The following FAM120C variants were observed in gnomAD, a reference collection of about 807,000 sequenced individuals.
FAM120C encodes family with sequence similarity 120 member C.
In FAM120C, 14 loss-of-function variants were observed where a neutral mutation model predicts 71.2. The ratio of observed to expected loss-of-function variants is 0.20; its 90% CI spans 0.13 to 0.31. FAM120C has a LOEUF of 0.31. FAM120C is among the 10% of genes least tolerant of loss of function. FAM120C has a pLI of 1.00. For synonymous variants in FAM120C, 354 were observed against 353.2 expected, an observed-to-expected ratio of 1.00 and a Z score of -0.03; for missense variants, 500 against 879.0, an observed-to-expected ratio of 0.57 and a Z score of 5.45.
chrX:54,179,502 A>G (rs183168629), intron 1 of FAM120C, among the ~76,000 whole-genome samples: 2 of 112,123 alleles, frequency 1.8e-5, no homozygotes, highest in Admixed American at 1.9e-4. Flanking sequence ...AAGGGAAACC[A>G]CAATCGGTTA....
At position 54,134,018 on chromosome X, in the gene FAM120C, G is replaced by A; in HGVS notation, c.1645C>T (p.Pro549Ser). Residue 549 changes from proline to serine, a missense_variant, in exon 8 of 16, where the codon CCT (proline) becomes TCT (serine). Physicochemically the swap from Pro to Ser is moderately conservative, Grantham distance 74. Transcript: ENST00000375180. ...TCACGATTGGGATTTCCCCACTCAG[G>A]CTGGTGATGAAATGCTTCTGTGATA... The part of the protein sequence containing the change: ...DHITEAFHHQ[P>S]EWGNPNRDRG... The A allele has an allele frequency of 1.7e-6, 2 of 1,210,672 alleles. No homozygotes were observed. Among genetic ancestry groups the A allele is most frequent in the Non-Finnish European group, 2.2e-6 (2 of 895,100 alleles).
chrX:54,135,823 C>T (rs1316140974), intron 5 of FAM120C, among the ~76,000 whole-genome samples: 2 of 111,180 alleles, frequency 1.8e-5, no homozygotes, highest in Non-Finnish European at 3.8e-5. Flanking sequence ...ATAAATGTGA[C>T]TTGCCAAGGT....
At chrX:54,170,633 GAACCTATGAT>G (rs1435402542) in intron 1 of FAM120C, among the ~76,000 whole-genome samples, 1 of 112,128 alleles carries the variant, frequency 8.9e-6, no homozygotes, top group African/African-American at 3.2e-5. Context: ...GGCATCCAGT[GAACCTATGAT>G]CAAAGTTTGT....
intron 10 of FAM120C, among the ~76,000 whole-genome samples, chrX:54,092,574 CGAA>C (rs1275074887): frequency 5.5e-5 from 6 of 108,411 alleles, no homozygotes; most frequent in African/African-American, 1.7e-4. Context: ...GAGGAGACGA[CGAA>C]GAAGAAAGTG....
At chrX:54,112,840 CAAA>C (rs201361878) in intron 10 of FAM120C, among the ~76,000 whole-genome samples, 223 of 73,355 alleles carry the variant, frequency 3.0e-3, no homozygotes, top group African/African-American at 4.7e-3. Context: ...GACTCTGTCT[CAAA>C]AAAAAAAAAA....
intron 9 of FAM120C, among the ~76,000 whole-genome samples, chrX:54,118,158 G>A (rs968986464): frequency 9.2e-6 from 1 of 109,151 alleles, no homozygotes; most frequent in Non-Finnish European, 1.9e-5. Context: ...AGGAGGCAGA[G>A]GTTGCAATGA....
intron 12 of FAM120C, among the ~76,000 whole-genome samples, chrX:54,086,146 G>A (rs1268524899): frequency 1.8e-5 from 2 of 111,522 alleles, no homozygotes; most frequent in East Asian, 2.8e-4. Flanking sequence ...CTGACTCAGG[G>A]CTTGTGATGT....
intron 10 of FAM120C, among the ~76,000 whole-genome samples, chrX:54,099,598 G>A (rs1450534201): frequency 8.9e-6 from 1 of 111,839 alleles, no homozygotes; most frequent in Non-Finnish European, 1.9e-5. Flanking sequence ...TCTTCTAAGT[G>A]TTTTATAGTT....
intron 1 of FAM120C, chrX:54,173,814 G>A (rs45548334): frequency 1.9e-4 from 45 of 239,078 alleles, no homozygotes; most frequent in Non-Finnish European, 2.5e-4. Flanking sequence ...ATCTATTTCT[G>A]TGTAACAAAG....
chrX:54,135,154 A>C, intron 6 of FAM120C, 43 bp from the exon 7 acceptor site: 2 of 1,135,430 alleles, frequency 1.8e-6, no homozygotes, highest in Non-Finnish European at 2.3e-6. Flanking sequence ...ACATTTTATA[A>C]GGCTCCAAGG....
chrX:54,162,863 A>G (rs1557134588), intron 1 of FAM120C, among the ~76,000 whole-genome samples: 2 of 112,169 alleles, frequency 1.8e-5, no homozygotes, highest in African/African-American at 6.5e-5. Flanking sequence ...GAGGTTAGAG[A>G]ACTTGACCAA....
At chrX:54,118,858 TC>T (rs1168647124) in intron 9 of FAM120C, among the ~76,000 whole-genome samples, 1 of 40,915 alleles carries the variant, frequency 2.4e-5, no homozygotes, top group Non-Finnish European at 4.2e-5. Context: ...ATGCTATCCC[TC>T]CCCCCTCCCC....
intron 11 of FAM120C, among the ~76,000 whole-genome samples, chrX:54,090,044 A>C (rs2066816095): frequency 9.0e-6 from 1 of 110,579 alleles, no homozygotes; most frequent in African/African-American, 3.3e-5. Flanking sequence ...ACACAGTTGG[A>C]TATGTGACCC....
At chrX:54,124,571 T>A (rs1178937117) in intron 9 of FAM120C, among the ~76,000 whole-genome samples, 1 of 97,838 alleles carries the variant, frequency 1.0e-5, no homozygotes, top group Admixed American at 1.1e-4. Flanking sequence ...CTCGCCCTGC[T>A]TCGGCTCGCG....
In FAM120C at chrX:54,149,140, GTTTAT is replaced by G. The variant is rs2067171974; in HGVS notation, c.1158+2100_1158+2104del. 2.7e-5 allele frequency among the ~76,000 whole-genome samples: 3 copies of G among 112,161 alleles called. No individual in the cohort carries two copies. In the South Asian group the frequency reaches 1.1e-3, roughly 41 times the overall value. ...TTCATACAAAAACCTGTACACAAAT[GTTTAT>G]AGCAGCTCTATTCATAACACCATAA... On this transcript the variant is annotated intron_variant, in intron 4 of 15. Coordinates refer to ENST00000375180, the MANE Select transcript of FAM120C (RefSeq NM_017848.6).
chrX:54,171,180 A>C (rs1473574592), intron 1 of FAM120C, among the ~76,000 whole-genome samples: 5 of 111,745 alleles, frequency 4.5e-5, no homozygotes, highest in African/African-American at 1.6e-4. Context: ...GGATTGCTTG[A>C]GGCCAGGAGT....
chrX:54,093,167 G>A (rs188499169), intron 10 of FAM120C, among the ~76,000 whole-genome samples: 1 of 111,862 alleles, frequency 8.9e-6, no homozygotes, highest in African/African-American at 3.2e-5. Context: ...AGTGACTGAT[G>A]CATTAATCTG....
At chrX:54,102,207 T>A (rs2146577164) in intron 10 of FAM120C, among the ~76,000 whole-genome samples, 1 of 106,480 alleles carries the variant, frequency 9.4e-6, no homozygotes, top group Admixed American at 1.0e-4. Flanking sequence ...GCTTGTTTGT[T>A]TTTTGTAGAG....
rs2067358746 is a variant in FAM120C at position 54,182,857 on chromosome X, G to A, written c.342C>T (p.Pro114=). Residue 114 remains proline, a synonymous_variant, in exon 1 of 16, where the codon CCC becomes CCT. Coordinates refer to ENST00000375180, the MANE Select transcript of FAM120C (RefSeq NM_017848.6). ...CGGCGTCCACCAGCACCCGGGCCCC[G>A]GGCAGCTGAGGGGGCGGCGGCGGCG... ...PLPPPPPPQL[P]GARVLVDAGS... is the part of the protein sequence containing the mutation. 8.7e-7 allele frequency: 1 copy of A among 1,151,453 alleles called. No individual in the cohort carries two copies. Among genetic ancestry groups the A allele is most frequent in the Non-Finnish European group, 1.2e-6 (1 of 867,853 alleles). 94.9% of individuals were successfully genotyped at this position (1,151,453 alleles called of 1,213,427 possible). A position where few individuals can be genotyped will look rare whatever the true frequency, so the allele number is the denominator to read the frequency against.
Sources: allele counts gnomAD v4.1 joint callset (sites outside exome capture counted in the v4.1 genomes callset), GRCh38; gene constraint gnomAD v4.1.1; transcripts MANE v1.5; gene names NCBI Gene and HGNC (gene_info 2026-07-23, HGNC 2026-07-21).